Variants in COL24A1 observed in about 807,000 individuals in gnomAD.
COL24A1 encodes collagen alpha-1(XXIV) chain.
In COL24A1, 224 loss-of-function variants were observed where a neutral mutation model predicts 253.9. That is an observed-to-expected ratio of 0.88 (90% CI 0.79 to 0.99). The LOEUF (loss-of-function observed/expected upper bound fraction) is 0.99, where lower values mean the gene tolerates loss of function less well. COL24A1 is among the 50% of genes least tolerant of loss of function. The probability of loss-of-function intolerance (pLI) is 0.00; values close to 1 mark genes in which losing one functional copy is unlikely to be tolerated. For synonymous variants in COL24A1, 685 were observed against 673.7 expected (o/e 1.02, Z -0.26); for missense variants, 2,131 against 2,068.5 (o/e 1.03, Z -0.59).
chr1:85,736,201 T>G (rs1327978240), intron 58 of COL24A1: 1 of 419,424 alleles, frequency 2.4e-6, no homozygotes, highest in Non-Finnish European at 4.8e-6. Context: ...TTTTATTCCC[T>G]AGGTTCATAG....
At chr1:85,832,858 C>T (rs1675497670) in intron 43 of COL24A1, among the ~76,000 whole-genome samples, 1 of 150,856 alleles carries the variant, frequency 6.6e-6, no homozygotes, top group East Asian at 1.9e-4. Context: ...GATATACAAT[C>T]ATGTCATCTG....
chr1:86,060,045 T>C (rs1700966160), intron 8 of COL24A1, among the ~76,000 whole-genome samples: 1 of 152,110 alleles, frequency 6.6e-6, no homozygotes, highest in African/African-American at 2.4e-5. Context: ...AGACAGATGG[T>C]AAACTCCTTT....
At chr1:85,876,974 T>C (rs1681244253) in intron 33 of COL24A1, 148 bp downstream of exon 33, 1 of 517,942 alleles carries the variant, frequency 1.9e-6, no homozygotes, top group Non-Finnish European at 3.3e-6. Context: ...TAATCATCTC[T>C]GCTTTTAATG....
At chr1:86,012,953 A>ATGGTGGTGGTGG (rs34650831) in intron 19 of COL24A1, among the ~76,000 whole-genome samples, 1 of 151,690 alleles carries the variant, frequency 6.6e-6, no homozygotes, top group Non-Finnish European at 1.5e-5. Flanking sequence ...GTCTTCAATT[A>ATGGTGGTGGTGG]TGGTGGTGGT....
At position 86,063,714 on chromosome 1, in the gene COL24A1, C is replaced by T; in HGVS notation, c.1752+1G>A. On this transcript the variant is annotated splice_donor_variant, in intron 8 of 59. Transcript: ENST00000370571. LOFTEE classifies it high-confidence loss of function. The stretch of plus-strand genomic sequence containing the variant: ...ACAAGTCTTATAAAGGAAGTACCTA[C>T]TTGTTCACCTGGAAGTCCTGGGAGT... 1 of 1,548,202 alleles carries T rather than the reference C, an allele frequency of 6.5e-7. No individual in the cohort carries two copies. The highest frequency in any genetic ancestry group is 1.2e-5 in the South Asian group (1 of 80,008).
At chr1:85,828,861 T>TCTTGA (rs948311086) in intron 43 of COL24A1, among the ~76,000 whole-genome samples, 9 of 148,206 alleles carry the variant, frequency 6.1e-5, no homozygotes, top group Non-Finnish European at 1.3e-4. Context: ...CACTGATGGG[T>TCTTGA]CTTGACTCTT....
chr1:85,808,628 G>A lies in COL24A1; in HGVS notation c.3951+8160C>T, dbSNP rs374817050. Among the ~76,000 whole-genome samples the A allele has an allele frequency of 4.2e-4, 64 of 152,246 alleles. No homozygotes were observed. The South Asian group carries it at 0.013, about 31-fold the overall frequency. The stretch of plus-strand genomic sequence containing the variant: ...TGGATATCTCACAAAATATCATTCA[G>A]GTCCATTAAACTGGACTTGGAGAGT... On this transcript the variant is annotated intron_variant, in intron 47 of 59. Transcript: ENST00000370571.
intron 19 of COL24A1, among the ~76,000 whole-genome samples, chr1:85,999,421 A>G (rs923442304): frequency 9.2e-5 from 14 of 152,102 alleles, no homozygotes; most frequent in Admixed American, 2.0e-4. Context: ...TAGCTTGACT[A>G]GCCTGGGTAA....
At chr1:86,025,582 G>A (rs1489266089) in intron 14 of COL24A1, among the ~76,000 whole-genome samples, 2 of 152,110 alleles carry the variant, frequency 1.3e-5, no homozygotes, top group African/African-American at 2.4e-5. Flanking sequence ...TAAAGCAATA[G>A]CATCTCTTAT....
At position 86,156,676 on chromosome 1, in the gene COL24A1, A is replaced by G. The variant is rs1156775687; in HGVS notation, c.-280T>C. On this transcript the variant is annotated 5_prime_UTR_variant, in exon 1 of 60. Coordinates refer to ENST00000370571, the MANE Select transcript of COL24A1 (RefSeq NM_152890.7). ...GAGGGCGGGCGAGGAGGTAAACCTC[A>G]CTGGGAGGCCTCGGGGCGCCGGCGG... 1.7e-5 allele frequency: 5 copies of G among 301,652 alleles called. No individual in the cohort carries two copies. The East Asian group carries it at 3.0e-4, about 18-fold the overall frequency. 18.7% of individuals were successfully genotyped at this position (301,652 alleles called of 1,614,324 possible).
At chr1:85,742,135 T>C (rs1198886423) in intron 57 of COL24A1, among the ~76,000 whole-genome samples, 1 of 30,530 alleles carries the variant, frequency 3.3e-5, no homozygotes, top group African/African-American at 5.2e-5. Flanking sequence ...CATTTCTTTT[T>C]TCTTTTTTTT....
At chr1:86,019,305 C>T (rs1449864617) in intron 18 of COL24A1, among the ~76,000 whole-genome samples, 1 of 151,990 alleles carries the variant, frequency 6.6e-6, no homozygotes, top group African/African-American at 2.4e-5. Context: ...ACCTATAATC[C>T]CACATTCTAG....
intron 1 of COL24A1, among the ~76,000 whole-genome samples, chr1:86,152,553 T>C (rs1572095455): frequency 1.3e-5 from 2 of 152,196 alleles, no homozygotes; most frequent in African/African-American, 4.8e-5. Context: ...ACACTTCTGG[T>C]CTCAGGCATT....
intron 32 of COL24A1, among the ~76,000 whole-genome samples, chr1:85,885,479 C>T (rs1682391617): frequency 6.6e-6 from 1 of 151,282 alleles, no homozygotes; most frequent in Non-Finnish European, 1.5e-5. Flanking sequence ...CTTTGGCCTC[C>T]CAAAGTGCTG....
intron 12 of COL24A1, chr1:86,045,919 TA>T: frequency 2.5e-6 from 1 of 406,986 alleles, no homozygotes; most frequent in Non-Finnish European, 4.9e-6. Context: ...ATCTAGGCAG[TA>T]AGGAAAAGGA....
At chr1:85,849,232 CA>C in intron 38 of COL24A1, 120 bp downstream of exon 38, 2 of 528,362 alleles carry the variant, frequency 3.8e-6, no homozygotes, top group Non-Finnish European at 6.6e-6. Flanking sequence ...TCTTTTAAAG[CA>C]ACATTTATAA....
At chr1:85,755,903 ATC>A (rs1305174742) in intron 55 of COL24A1, among the ~76,000 whole-genome samples, 1 of 51,502 alleles carries the variant, frequency 1.9e-5, no homozygotes, top group Non-Finnish European at 5.1e-5. Context: ...ATTAGACTAT[ATC>A]AGAAAAAAAA....
chr1:86,020,543 C>T (rs962135206), intron 18 of COL24A1, among the ~76,000 whole-genome samples: 7 of 152,010 alleles, frequency 4.6e-5, no homozygotes, highest in Non-Finnish European at 1.0e-4. Flanking sequence ...GAGTAAGGAA[C>T]ACTAAAATGG....
intron 50 of COL24A1, 36 bp from the exon 51 acceptor site, chr1:85,783,594 G>T (rs1669357958): frequency 6.3e-7 from 1 of 1,575,956 alleles, no homozygotes; most frequent in Non-Finnish European, 8.7e-7. Flanking sequence ...GATAAAATTT[G>T]TAGCTCTATA....
Sources: gnomAD v4.1 joint callset for allele counts (sites outside exome capture counted in the v4.1 genomes callset) on GRCh38, gnomAD v4.1.1 for gene constraint, MANE v1.5 for transcripts, NCBI Gene and HGNC (gene_info 2026-07-23, HGNC 2026-07-21) for gene names.